The following RAB11FIP4 variants were observed in gnomAD, a reference collection of about 807,000 sequenced individuals.
RAB11FIP4 encodes rab11 family-interacting protein 4.
RAB11FIP4 carries 23 observed loss-of-function variants against 74.3 expected under a neutral mutation model. The observed-to-expected ratio is 0.31, with a 90% CI of 0.22 to 0.44. The LOEUF is 0.44. Ranked by LOEUF, RAB11FIP4 falls within the 20% of genes least tolerant of loss-of-function variation. The probability of loss-of-function intolerance (pLI) is 1.00; values close to 1 mark genes in which losing one functional copy is unlikely to be tolerated. For synonymous variants in RAB11FIP4, 360 were observed against 359.9 expected (o/e 1.00, Z 0.00); for missense variants, 630 against 863.9 (o/e 0.73, Z 3.39).
At chr17:31,420,611 A>T (rs2071189997) in intron 1 of RAB11FIP4, among the ~76,000 whole-genome samples, 2 of 148,184 alleles carry the variant, frequency 1.3e-5, no homozygotes, top group Non-Finnish European at 3.0e-5. Flanking sequence ...AGTTTTGTTA[A>T]TCTTTTCAAA....
intron 3 of RAB11FIP4, among the ~76,000 whole-genome samples, chr17:31,480,812 A>G (rs61439902): frequency 1.6e-3 from 242 of 151,336 alleles, no homozygotes; most frequent in African/African-American, 5.5e-3. Context: ...AAAAAAAAAA[A>G]AAAAGAAAGA....
At position 31,535,737 on chromosome 17, in the gene RAB11FIP4, G is replaced by A. The variant is rs2072948073; in HGVS notation, c.*4005G>A. On this transcript the variant is annotated 3_prime_UTR_variant, in exon 15 of 15. Transcript: ENST00000621161. ...CCTTGGCCTGGTGCCCCTGGAATCA[G>A]TGGGTGGCATGTGTTGGGATATACT... 6.6e-6 allele frequency: 1 copy of A among 152,408 alleles called. No homozygotes were observed. The highest frequency in any genetic ancestry group is 2.1e-4 in the South Asian group (1 of 4,834). 9.4% of individuals were successfully genotyped at this position (152,408 alleles called of 1,614,324 possible).
chr17:31,428,804 C>T (rs1360718257), intron 1 of RAB11FIP4, among the ~76,000 whole-genome samples: 2 of 152,130 alleles, frequency 1.3e-5, no homozygotes, highest in South Asian at 2.1e-4. Flanking sequence ...CTGAGCCAGG[C>T]GTGGTGGCGT....
chr17:31,397,205 G>T (rs1235686422), intron 1 of RAB11FIP4, among the ~76,000 whole-genome samples: 1 of 152,196 alleles, frequency 6.6e-6, no homozygotes, highest in Non-Finnish European at 1.5e-5. Context: ...AGGGGTGAAG[G>T]GGAAGGTAGG....
chr17:31,531,825 C>T lies in RAB11FIP4; in HGVS notation c.*93C>T. 1 of 796,088 alleles carries T rather than the reference C, an allele frequency of 1.3e-6. No individual in the cohort carries two copies. The highest frequency in any genetic ancestry group is 2.2e-6 in the Non-Finnish European group (1 of 462,320). 49.3% of individuals were successfully genotyped at this position (796,088 alleles called of 1,614,324 possible). ...AGGCCTAAGCCGGGCCTCACACTCA[C>T]ACTGTAAATGTCTCTCTGGCCACCA... On this transcript the variant is annotated 3_prime_UTR_variant, in exon 15 of 15. Transcript: ENST00000621161.
rs1240001179 is a variant in RAB11FIP4, at chr17:31,532,385, G to A, written c.*653G>A. 6.5e-6 allele frequency: 1 copy of A among 152,918 alleles called. No homozygotes were observed. The highest frequency in any genetic ancestry group is 1.5e-5 in the Non-Finnish European group (1 of 68,294). The allele number at this position is 152,918 out of a possible 1,614,324, so 9.5% of individuals were successfully genotyped here. The stretch of plus-strand genomic sequence containing the variant: ...CAGGTTTCATAGCAGCTAGTGCGGG[G>A]CATCCTCATCCTGTACCTATAGAGT... On this transcript the variant is annotated 3_prime_UTR_variant, in exon 15 of 15. Transcript: ENST00000621161.
intron 3 of RAB11FIP4, among the ~76,000 whole-genome samples, chr17:31,468,780 A>C (rs1043313888): frequency 2.6e-4 from 40 of 152,024 alleles, no homozygotes; most frequent in Non-Finnish European, 4.4e-4. Flanking sequence ...CAGTGAGCCA[A>C]GATCGCACCA....
At chr17:31,518,201 A>G (rs1201030864) in intron 4 of RAB11FIP4, among the ~76,000 whole-genome samples, 1 of 152,128 alleles carries the variant, frequency 6.6e-6, no homozygotes, top group Non-Finnish European at 1.5e-5. Context: ...AGTTTTAAAA[A>G]GCAGGTTGTG....
At chr17:31,477,784 G>A (rs2071808409) in intron 3 of RAB11FIP4, among the ~76,000 whole-genome samples, 1 of 152,120 alleles carries the variant, frequency 6.6e-6, no homozygotes, top group African/African-American at 2.4e-5. Context: ...CACAGTCTCT[G>A]GAGCCAGGCT....
At chr17:31,522,704 C>T (rs772131678) in intron 7 of RAB11FIP4, 67 of 450,272 alleles carry the variant, frequency 1.5e-4, no homozygotes, top group Non-Finnish European at 2.3e-4. Context: ...GCCCTTCCTG[C>T]CTCTTGGAGC....
chr17:31,427,866 A>G (rs2071268596), intron 1 of RAB11FIP4, among the ~76,000 whole-genome samples: 1 of 152,202 alleles, frequency 6.6e-6, no homozygotes, highest in Admixed American at 6.5e-5. Flanking sequence ...TGCTATTCTC[A>G]GAAGCCACGT....
At chr17:31,457,509 C>A (rs1475460561) in intron 3 of RAB11FIP4, among the ~76,000 whole-genome samples, 1 of 152,088 alleles carries the variant, frequency 6.6e-6, no homozygotes, top group Non-Finnish European at 1.5e-5. Context: ...CCCCAGTCCC[C>A]CCTGGAACTG....
intron 1 of RAB11FIP4, among the ~76,000 whole-genome samples, chr17:31,403,889 T>C (rs1301277401): frequency 6.6e-6 from 1 of 152,126 alleles, no homozygotes; most frequent in Non-Finnish European, 1.5e-5. Context: ...CTGGGGACTT[T>C]GAGCCTGGGG....
chr17:31,516,432 CA>C, intron 3 of RAB11FIP4, among the ~76,000 whole-genome samples: 1 of 152,116 alleles, frequency 6.6e-6, no homozygotes, highest in Non-Finnish European at 1.5e-5. Flanking sequence ...ACAAAATGCA[CA>C]AACAAAACAA....
chr17:31,474,808 C>T (rs116594465), intron 3 of RAB11FIP4, among the ~76,000 whole-genome samples: 211 of 152,050 alleles, frequency 1.4e-3, no homozygotes, highest in African/African-American at 5.0e-3. Flanking sequence ...CACCACTGCA[C>T]TCTAGCCTGG....
chr17:31,513,452 G>A (rs544711241), intron 3 of RAB11FIP4, among the ~76,000 whole-genome samples: 12 of 152,266 alleles, frequency 7.9e-5, no homozygotes, highest in South Asian at 6.2e-4. Context: ...CCTCCAGGCC[G>A]GCGGGAGAAG....
chr17:31,446,451 C>T (rs771733162), intron 3 of RAB11FIP4, among the ~76,000 whole-genome samples: 14 of 152,218 alleles, frequency 9.2e-5, no homozygotes, highest in Non-Finnish European at 1.3e-4. Context: ...TCCAGGAACA[C>T]GCCATGGGCC....
chr17:31,508,959 C>T (rs1341591705), intron 3 of RAB11FIP4: 1 of 152,518 alleles, frequency 6.6e-6, no homozygotes, highest in Non-Finnish European at 1.5e-5. Context: ...CTTCAGCAGC[C>T]CTTCCTCGGT....
At chr17:31,439,777 AT>A (rs1193387731) in intron 3 of RAB11FIP4, among the ~76,000 whole-genome samples, 4 of 151,988 alleles carry the variant, frequency 2.6e-5, no homozygotes, top group Admixed American at 6.6e-5. Flanking sequence ...CATCCAGCTA[AT>A]TTTTGTTTTT....
Sources: gnomAD v4.1 joint callset for allele counts (sites outside exome capture counted in the v4.1 genomes callset) on GRCh38, gnomAD v4.1.1 for gene constraint, MANE v1.5 for transcripts, NCBI Gene and HGNC (gene_info 2026-07-23, HGNC 2026-07-21) for gene names.